Variants in ADGRL3 observed in about 807,000 individuals in gnomAD.
ADGRL3 encodes the protein calcium-independent alpha-latrotoxin receptor 3.
In ADGRL3, 62 loss-of-function variants were observed where a neutral mutation model predicts 153.5. The observed-to-expected ratio is 0.40, with a 90% CI of 0.33 to 0.50. ADGRL3 has a LOEUF of 0.50. Among genes scored for constraint, ADGRL3 ranks in the 20% least tolerant of loss-of-function variants. The probability of loss-of-function intolerance (pLI) is 0.47; values close to 1 mark genes in which losing one functional copy is unlikely to be tolerated. For missense variants in ADGRL3, 1,641 were observed against 1,859.4 expected (o/e 0.88, Z 2.16); for synonymous variants, 710 against 672.5 (o/e 1.06, Z -0.86).
At chr4:61,643,191 G>A (rs1343160682) in intron 5 of ADGRL3, among the ~76,000 whole-genome samples, 1 of 152,050 alleles carries the variant, frequency 6.6e-6, no homozygotes, top group Admixed American at 6.6e-5. Context: ...ATTTTGGGCT[G>A]AGACAATGGG....
intron 12 of ADGRL3, among the ~76,000 whole-genome samples, chr4:61,911,957 A>C (rs2098723853): frequency 6.6e-6 from 1 of 152,192 alleles, no homozygotes; most frequent in African/African-American, 2.4e-5. Context: ...CCAGGAAATA[A>C]TGTTTGGTGT....
At chr4:61,432,618 CTTTCTTTCTTTCTTTCTTTCTTTCT>C (rs2097376169) in intron 2 of ADGRL3, among the ~76,000 whole-genome samples, 1 of 70,816 alleles carries the variant, frequency 1.4e-5, no homozygotes, top group Non-Finnish European at 3.0e-5. Context: ...TTCTTTCTTT[CTTTCTTTCTTTCTTTCTTTCTTTCT>C]TTCTTTCTTT....
chr4:61,792,038 G>A (rs1015607660), intron 8 of ADGRL3, among the ~76,000 whole-genome samples: 5 of 152,148 alleles, frequency 3.3e-5, no homozygotes, highest in Non-Finnish European at 7.4e-5. Context: ...TTTGTCTTGG[G>A]GATTAACATT....
At chr4:61,601,986 T>A (rs1197865949) in intron 5 of ADGRL3, among the ~76,000 whole-genome samples, 1 of 152,180 alleles carries the variant, frequency 6.6e-6, no homozygotes, top group African/African-American at 2.4e-5. Context: ...CAAAAATGTG[T>A]TTGTTAAGGA....
chr4:61,246,781 G>A (rs1757273258), intron 1 of ADGRL3, among the ~76,000 whole-genome samples: 1 of 151,250 alleles, frequency 6.6e-6, no homozygotes, highest in Non-Finnish European at 1.5e-5. Flanking sequence ...CCAATTCTGA[G>A]CCATCCCTCT....
chr4:61,767,025 T>C lies in ADGRL3; in HGVS notation c.1399+33471T>C, dbSNP rs951268334. 4.0e-3 allele frequency among the ~76,000 whole-genome samples: 603 copies of C among 151,806 alleles called. 3 individuals are homozygous for C. The highest frequency in any genetic ancestry group is 5.6e-3 in the Non-Finnish European group (382 of 67,942). ...ATAACAGGCTTTAATCTTTTTAAAG[T>C]GTGCTGTGGGATGGGATATTGGCGT... On this transcript the variant is annotated intron_variant, in intron 8 of 26. Transcript: ENST00000683033.
intron 1 of ADGRL3, among the ~76,000 whole-genome samples, chr4:61,245,127 A>T (rs774794675): frequency 5.9e-5 from 9 of 151,972 alleles, no homozygotes; most frequent in Non-Finnish European, 1.3e-4. Context: ...TCTGAAGCAC[A>T]TTCAATTTTG....
intron 1 of ADGRL3, among the ~76,000 whole-genome samples, chr4:61,288,414 A>C (rs973239016): frequency 6.6e-6 from 1 of 151,960 alleles, no homozygotes; most frequent in East Asian, 1.9e-4. Context: ...TTTGGTTGGT[A>C]GTTGCTGCTG....
rs2098502929 is a variant in ADGRL3, at chr4:61,517,356, T to C, written c.97T>C (p.Leu33=). 2 of 705,616 alleles carry C rather than the reference T, an allele frequency of 2.8e-6. No individual in the cohort carries two copies. The highest frequency in any genetic ancestry group is 5.2e-6 in the Non-Finnish European group (2 of 387,640). The allele number at this position is 705,616 out of a possible 1,614,324, so 43.7% of individuals were successfully genotyped here. Residue 33 remains leucine, a synonymous_variant, in exon 4 of 27, where the codon TTG becomes CTG. Transcript: ENST00000683033. ...SERHPALAAP[L]RHAERSPGGA... Reference sequence around the variant, plus strand: ...ACGACATCCTGCCCTTGCTGCTCCATTGCGACACGCTGAGCGCAGCCCAGG... The same window carrying C: ...ACGACATCCTGCCCTTGCTGCTCCACTGCGACACGCTGAGCGCAGCCCAGG...
chr4:61,476,288 G>A (rs1201572807), intron 2 of ADGRL3, among the ~76,000 whole-genome samples: 1 of 151,182 alleles, frequency 6.6e-6, no homozygotes, highest in Admixed American at 6.6e-5. Context: ...GCAGCGGGTG[G>A]ACGATCTCGG....
intron 19 of ADGRL3, among the ~76,000 whole-genome samples, chr4:61,996,041 AAAAGGCCTTAGCAAATAGGC>A (rs1003000026): frequency 6.6e-6 from 1 of 152,096 alleles, no homozygotes; most frequent in African/African-American, 2.4e-5. Flanking sequence ...TGACAGACAC[AAAAGGCCTTAGCAAATAGGC>A]CCAGTGCCAT....
intron 4 of ADGRL3, among the ~76,000 whole-genome samples, chr4:61,556,006 T>A (rs1295984065): frequency 1.3e-5 from 2 of 152,122 alleles, no homozygotes; most frequent in Admixed American, 1.3e-4. Context: ...TCCTCTTATC[T>A]CATCCTGTGA....
intron 2 of ADGRL3, among the ~76,000 whole-genome samples, chr4:61,403,832 G>T (rs2096960241): frequency 2.0e-5 from 3 of 152,012 alleles, no homozygotes; most frequent in Non-Finnish European, 4.4e-5. Context: ...CACACAGCTG[G>T]TACCTGGAGA....
At chr4:61,464,014 T>C (rs1423270874) in intron 2 of ADGRL3, among the ~76,000 whole-genome samples, 3 of 152,186 alleles carry the variant, frequency 2.0e-5, no homozygotes, top group Non-Finnish European at 4.4e-5. Context: ...AATATCTCTA[T>C]TACAACTACG....
chr4:61,721,494 T>C (rs1425466396), intron 6 of ADGRL3, among the ~76,000 whole-genome samples: 4 of 152,220 alleles, frequency 2.6e-5, no homozygotes, highest in Admixed American at 2.0e-4. Flanking sequence ...TGCTTTATTC[T>C]AGCCCCTGCG....
intron 1 of ADGRL3, among the ~76,000 whole-genome samples, chr4:61,314,253 A>C (rs932538609): frequency 2.7e-5 from 4 of 147,288 alleles, no homozygotes; most frequent in African/African-American, 1.0e-4. Flanking sequence ...CTTGTTGCCC[A>C]GGCTAGAGTG....
intron 2 of ADGRL3, among the ~76,000 whole-genome samples, chr4:61,396,248 A>G (rs958352872): frequency 4.6e-5 from 7 of 151,956 alleles, no homozygotes; most frequent in Non-Finnish European, 1.0e-4. Context: ...ATGAAAAACC[A>G]TTAGATTTTT....
chr4:61,376,740 C>T (rs1269866768), intron 1 of ADGRL3, among the ~76,000 whole-genome samples: 13 of 152,118 alleles, frequency 8.5e-5, no homozygotes, highest in African/African-American at 4.8e-5. Context: ...TAGAACTCTT[C>T]CTGAGGGTGG....
intron 6 of ADGRL3, among the ~76,000 whole-genome samples, chr4:61,712,541 G>A (rs546720122): frequency 6.6e-6 from 1 of 152,216 alleles, no homozygotes; most frequent in African/African-American, 2.4e-5. Flanking sequence ...GATATTATAA[G>A]ATGAATAAAT....
Sources: allele counts gnomAD v4.1 joint callset (sites outside exome capture counted in the v4.1 genomes callset), GRCh38; gene constraint gnomAD v4.1.1; transcripts MANE v1.5; gene names NCBI Gene and HGNC (gene_info 2026-07-23, HGNC 2026-07-21).